MTHFD2L: variants seen among roughly 807,000 people sequenced by gnomAD.
The protein encoded by MTHFD2L is bifunctional methylenetetrahydrofolate dehydrogenase/cyclohydrolase 2, mitochondrial.
Under a neutral mutation model 34.9 loss-of-function variants are expected in MTHFD2L, and 29 were observed. The ratio of observed to expected loss-of-function variants is 0.83; its 90% CI spans 0.62 to 1.13. The LOEUF (loss-of-function observed/expected upper bound fraction) is 1.13, where lower values mean the gene tolerates loss of function less well. MTHFD2L is among the 50% of genes most tolerant of loss of function. The pLI is 0.00. For synonymous variants in MTHFD2L, 167 were observed against 155.7 expected (o/e 1.07, Z -0.54); for missense variants, 481 against 446.5 (o/e 1.08, Z -0.70).
At chr4:74,124,290 A>T (rs923136168), upstream of MTHFD2L, among the ~76,000 whole-genome samples, 7 of 151,962 alleles carry the variant, frequency 4.6e-5, no homozygotes, top group Admixed American at 1.3e-4. Flanking sequence ...TTTTAAAAAA[A>T]ATACAAGTCA....
intron 6 of MTHFD2L, among the ~76,000 whole-genome samples, chr4:74,255,136 C>CAAAAAAAAAAAAAAAAAAAAAAA (rs34300013): frequency 1.4e-5 from 1 of 69,182 alleles, no homozygotes; most frequent in Non-Finnish European, 2.4e-5. Context: ...ACTCCATCTC[C>CAAAAAAAAAAAAAAAAAAAAAAA]AAAAAAAAAA....
intron 6 of MTHFD2L, among the ~76,000 whole-genome samples, chr4:74,239,267 T>C (rs761708471): frequency 3.3e-5 from 5 of 152,066 alleles, no homozygotes; most frequent in African/African-American, 7.2e-5. Context: ...TTCTCACTCA[T>C]AGGTGGGAAC....
Position 74,173,509 on chromosome 4 carries a change from C to T in MTHFD2L, c.144-997C>T, listed in dbSNP as rs1260697400. 3.3e-5 allele frequency among the ~76,000 whole-genome samples: 5 copies of T among 152,238 alleles called. No individual in the cohort carries two copies. The East Asian group carries it at 5.8e-4, about 18-fold the overall frequency. ...CATGGCAAGACTCACAGCTGTTGTCCGGGGCCATGCCTGGGGCCATGGAAT... is the reference window on the plus strand; with the variant it reads ...CATGGCAAGACTCACAGCTGTTGTCTGGGGCCATGCCTGGGGCCATGGAAT... On this transcript the variant is annotated intron_variant, in intron 1 of 7. Transcript: ENST00000325278.
upstream of MTHFD2L, among the ~76,000 whole-genome samples, chr4:74,155,307 T>C (rs1724174075): frequency 6.6e-6 from 1 of 152,182 alleles, no homozygotes; most frequent in African/African-American, 2.4e-5. Context: ...AATGTATTTT[T>C]TCCATTCCTC....
intron 6 of MTHFD2L, among the ~76,000 whole-genome samples, chr4:74,249,806 G>T (rs1743046690): frequency 6.6e-6 from 1 of 151,992 alleles, no homozygotes; most frequent in Non-Finnish European, 1.5e-5. Context: ...TTGAATATTG[G>T]CCCCCACTCT....
chr4:74,186,980 TAGAA>T (rs1166664701), intron 3 of MTHFD2L, among the ~76,000 whole-genome samples: 1 of 151,980 alleles, frequency 6.6e-6, no homozygotes, highest in African/African-American at 2.4e-5. Context: ...TGAAACAAAA[TAGAA>T]AGTCCAGAAA....
At chr4:74,276,873 A>G (rs572991953) in intron 6 of MTHFD2L, among the ~76,000 whole-genome samples, 1 of 152,274 alleles carries the variant, frequency 6.6e-6, no homozygotes, top group South Asian at 2.1e-4. Flanking sequence ...AATGAATGAT[A>G]GAGTCAAAGG....
intron 6 of MTHFD2L, chr4:74,241,702 A>G: frequency 9.8e-6 from 2 of 203,984 alleles, no homozygotes; most frequent in South Asian, 1.2e-4. Flanking sequence ...TAGACCTTAG[A>G]AAAACCTATC....
At chr4:74,281,687 T>A in intron 7 of MTHFD2L, 137 bp downstream of exon 7, 1 of 852,748 alleles carries the variant, frequency 1.2e-6, no homozygotes, top group Non-Finnish European at 1.7e-6. Context: ...GGGAAAAGAT[T>A]TTAATCAGAC....
At chr4:74,175,499 A>C in intron 3 of MTHFD2L, 96 bp downstream of exon 3, 1 of 1,288,760 alleles carries the variant, frequency 7.8e-7, no homozygotes, top group Admixed American at 2.3e-5. Context: ...AATTTATAAA[A>C]TACATTCAGA....
At chr4:74,238,582 A>T (rs1172388327) in intron 6 of MTHFD2L, among the ~76,000 whole-genome samples, 2 of 152,194 alleles carry the variant, frequency 1.3e-5, no homozygotes, top group Non-Finnish European at 2.9e-5. Context: ...AAATTTTTGC[A>T]ATCTACCCAT....
At chr4:74,253,822 GC>G (rs1743638304) in intron 6 of MTHFD2L, among the ~76,000 whole-genome samples, 1 of 152,102 alleles carries the variant, frequency 6.6e-6, no homozygotes, top group African/African-American at 2.4e-5. Flanking sequence ...ACCCAGGCCT[GC>G]CCATGCAGAC....
chr4:74,297,531 A>G (rs190250845), intron 7 of MTHFD2L, among the ~76,000 whole-genome samples: 3 of 152,060 alleles, frequency 2.0e-5, no homozygotes, highest in East Asian at 1.9e-4. Context: ...GGAAATTACT[A>G]TCATATAATG....
intron 1 of MTHFD2L, among the ~76,000 whole-genome samples, chr4:74,134,088 T>C (rs927006939): frequency 1.3e-5 from 2 of 152,152 alleles, no homozygotes; most frequent in Non-Finnish European, 2.9e-5. Flanking sequence ...GAAATTGAGA[T>C]TGTCAACCAG....
chr4:74,158,330 C>T (rs1033496019), intron 1 of MTHFD2L, 49 bp downstream of exon 1: 14 of 1,201,894 alleles, frequency 1.2e-5, no homozygotes, highest in Non-Finnish European at 1.3e-5. Flanking sequence ...GGTGGGAGGT[C>T]GGCGGGGGCG....
Position 74,159,411 on chromosome 4 carries a change from A to G in MTHFD2L, c.143+1130A>G, listed in dbSNP as rs147866204. 3.5e-4 allele frequency among the ~76,000 whole-genome samples: 54 copies of G among 152,324 alleles called. No homozygotes were observed. The East Asian group carries it at 8.1e-3, about 23-fold the overall frequency. On this transcript the variant is annotated intron_variant, in intron 1 of 7. Coordinates refer to ENST00000325278, the MANE Select transcript of MTHFD2L (RefSeq NM_001144978.3). ...CTGTAGAATTCTATTTGTTTTAAAG[A>G]ATTGAGGAAATTATTTGCCGTCACT...
At chr4:74,233,015 TAA>T (rs1325283567) in intron 6 of MTHFD2L, among the ~76,000 whole-genome samples, 10 of 129,714 alleles carry the variant, frequency 7.7e-5, no homozygotes, top group Non-Finnish European at 8.6e-5. Context: ...GTATTGGTCT[TAA>T]GTTTATTTTC....
chr4:74,155,756 CA>C (rs1035121657), upstream of MTHFD2L, among the ~76,000 whole-genome samples: 14 of 151,892 alleles, frequency 9.2e-5, no homozygotes, highest in Middle Eastern at 3.4e-3. Context: ...AGCATGGATT[CA>C]CCCCTTTATT....
chr4:74,239,748 G>A (rs1212781949), intron 6 of MTHFD2L, among the ~76,000 whole-genome samples: 2 of 152,192 alleles, frequency 1.3e-5, no homozygotes, highest in Non-Finnish European at 2.9e-5. Flanking sequence ...TTCAGATGAA[G>A]ATAATAATCA....
Sources: gnomAD v4.1 joint callset for allele counts (sites outside exome capture counted in the v4.1 genomes callset) on GRCh38, gnomAD v4.1.1 for gene constraint, MANE v1.5 for transcripts, NCBI Gene and HGNC (gene_info 2026-07-23, HGNC 2026-07-21) for gene names.